SORCS3: variants seen among roughly 807,000 people sequenced by gnomAD.
SORCS3 encodes the protein sortilin related VPS10 domain containing receptor 3.
SORCS3 carries 57 observed loss-of-function variants against 146.3 expected under a neutral mutation model. The observed-to-expected ratio is 0.39, with a 90% confidence interval of 0.31 to 0.49. The LOEUF (loss-of-function observed/expected upper bound fraction) is 0.49, where lower values mean the gene tolerates loss of function less well. Among genes scored for constraint, SORCS3 ranks in the 20% least tolerant of loss-of-function variants. SORCS3 has a pLI of 0.92. For missense variants in SORCS3, 1,341 were observed against 1,575.5 expected (o/e 0.85, Z 2.52); for synonymous variants, 653 against 618.5 (o/e 1.06, Z -0.83).
At chr10:104,839,081 ACAATAT>A (rs2018106691) in intron 1 of SORCS3, among the ~76,000 whole-genome samples, 1 of 152,216 alleles carries the variant, frequency 6.6e-6, no homozygotes, top group African/African-American at 2.4e-5. Flanking sequence ...ATTTACCAAC[ACAATAT>A]CAATATCTTT....
intron 3 of SORCS3, among the ~76,000 whole-genome samples, chr10:104,921,503 C>CTCTCTCTGTGTGTG (rs1481936605): frequency 3.1e-4 from 45 of 143,584 alleles, no homozygotes; most frequent in African/African-American, 1.2e-3. Flanking sequence ...CTCTCTCTCT[C>CTCTCTCTGTGTGTG]TGTGTGTGTG....
chr10:105,006,571 C>T (rs1163137647), intron 4 of SORCS3, among the ~76,000 whole-genome samples: 1 of 152,202 alleles, frequency 6.6e-6, no homozygotes, highest in Non-Finnish European at 1.5e-5. Context: ...ACTCAGTATA[C>T]TTTAGGTCTT....
intron 3 of SORCS3, among the ~76,000 whole-genome samples, chr10:104,950,358 G>A (rs2019415352): frequency 6.6e-6 from 1 of 152,164 alleles, no homozygotes; most frequent in South Asian, 2.1e-4. Flanking sequence ...ACTATTATAT[G>A]ATGTGACCGT....
chr10:104,689,726 C>A (rs1413455755), intron 1 of SORCS3, among the ~76,000 whole-genome samples: 1 of 152,154 alleles, frequency 6.6e-6, no homozygotes, highest in African/African-American at 2.4e-5. Flanking sequence ...GGTGGCTTAT[C>A]AGCTGCTTCA....
intron 3 of SORCS3, among the ~76,000 whole-genome samples, chr10:104,976,093 T>C (rs1260952385): frequency 3.9e-5 from 6 of 152,016 alleles, no homozygotes; most frequent in African/African-American, 1.5e-4. Flanking sequence ...TTCTGCACAG[T>C]GAAAGAAACT....
chr10:104,899,069 T>C (rs2018826136), intron 2 of SORCS3, among the ~76,000 whole-genome samples: 1 of 152,162 alleles, frequency 6.6e-6, no homozygotes, highest in Non-Finnish European at 1.5e-5. Flanking sequence ...CTAGCATAGC[T>C]CTGTTTATAC....
chr10:104,972,181 A>C (rs1219520679), intron 3 of SORCS3, among the ~76,000 whole-genome samples: 2 of 152,166 alleles, frequency 1.3e-5, no homozygotes, highest in African/African-American at 2.4e-5. Flanking sequence ...TCTACTAAAA[A>C]ACAACAAAAA....
chr10:105,038,088 T>A (rs923983114), intron 4 of SORCS3, among the ~76,000 whole-genome samples: 2 of 152,190 alleles, frequency 1.3e-5, no homozygotes, highest in Non-Finnish European at 2.9e-5. Flanking sequence ...TTAAAAGATA[T>A]GTGGCCATGA....
chr10:105,249,384 A>G (rs1034159757), intron 22 of SORCS3, among the ~76,000 whole-genome samples: 3 of 152,180 alleles, frequency 2.0e-5, no homozygotes, highest in Non-Finnish European at 2.9e-5. Flanking sequence ...GGCTCTCTAA[A>G]GAGGAGTTGG....
chr10:105,060,870 G>A (rs1188971958), intron 5 of SORCS3, among the ~76,000 whole-genome samples: 1 of 151,896 alleles, frequency 6.6e-6, no homozygotes. Context: ...CCGGGAGGCG[G>A]AGGTTGTGGT....
At chr10:105,038,641 A>G (rs958609860) in intron 4 of SORCS3, among the ~76,000 whole-genome samples, 5 of 152,202 alleles carry the variant, frequency 3.3e-5, no homozygotes, top group African/African-American at 1.2e-4. Flanking sequence ...CTTCAAAAAT[A>G]TATAAATTAC....
chr10:104,688,138 C>T (rs2016069584), intron 1 of SORCS3, among the ~76,000 whole-genome samples: 1 of 152,206 alleles, frequency 6.6e-6, no homozygotes, highest in African/African-American at 2.4e-5. Context: ...TATGGCAACC[C>T]TATTGAGTCT....
intron 13 of SORCS3, among the ~76,000 whole-genome samples, chr10:105,177,095 AAT>A (rs1346223721): frequency 4.6e-5 from 7 of 152,056 alleles, no homozygotes; most frequent in Non-Finnish European, 1.0e-4. Context: ...CAGAGTTTAT[AAT>A]CTTGAGTTGA....
chr10:104,786,473 G>A (rs180741206), intron 1 of SORCS3, among the ~76,000 whole-genome samples: 11 of 151,510 alleles, frequency 7.3e-5, no homozygotes, highest in South Asian at 2.1e-4. Context: ...GCTTGGACCC[G>A]GGAGGTGGAG....
chr10:104,821,630 C>T (rs2017874333), intron 1 of SORCS3, among the ~76,000 whole-genome samples: 1 of 152,132 alleles, frequency 6.6e-6, no homozygotes, highest in South Asian at 2.1e-4. Flanking sequence ...GTTTAAAGTC[C>T]CCTGTGCCCA....
intron 5 of SORCS3, among the ~76,000 whole-genome samples, chr10:105,052,697 A>G (rs570836674): frequency 6.6e-6 from 1 of 152,238 alleles, no homozygotes; most frequent in African/African-American, 2.4e-5. Context: ...GTTCACTTCC[A>G]TGAGCAGGAA....
chr10:105,241,955 A>G (rs2056826051), intron 20 of SORCS3, among the ~76,000 whole-genome samples: 1 of 152,084 alleles, frequency 6.6e-6, no homozygotes, highest in Non-Finnish European at 1.5e-5. Context: ...AAAGCGCACC[A>G]AACAGGGAGA....
chr10:105,162,967 T>C (rs770809764), intron 11 of SORCS3, among the ~76,000 whole-genome samples: 2 of 152,062 alleles, frequency 1.3e-5, no homozygotes, highest in African/African-American at 2.4e-5. Context: ...CTCGAGTTGA[T>C]ATTCTCCTCC....
intron 1 of SORCS3, among the ~76,000 whole-genome samples, chr10:104,674,695 C>G (rs185907812): frequency 6.6e-6 from 1 of 152,288 alleles, no homozygotes; most frequent in East Asian, 1.9e-4. Flanking sequence ...TTGTTTTAAA[C>G]TGTTCAGTTT....
Sources: gnomAD v4.1 joint callset for allele counts (sites outside exome capture counted in the v4.1 genomes callset) on GRCh38, gnomAD v4.1.1 for gene constraint, MANE v1.5 for transcripts, NCBI Gene and HGNC (gene_info 2026-07-23, HGNC 2026-07-21) for gene names.